Variants in ZNF385D observed in about 807,000 individuals in gnomAD.
ZNF385D encodes zinc finger protein 659.
A neutral mutation model predicts 35.8 loss-of-function variants in ZNF385D; 15 were observed. The ratio of observed to expected loss-of-function variants is 0.42; its 90% CI spans 0.28 to 0.64. The LOEUF (loss-of-function observed/expected upper bound fraction) is 0.64. Ranked by LOEUF, ZNF385D falls within the 30% of genes least tolerant of loss-of-function variation. ZNF385D has a pLI of 0.23. For missense variants in ZNF385D, 474 were observed against 494.6 expected (o/e 0.96, Z 0.39); for synonymous variants, 212 against 186.8 (o/e 1.13, Z -1.10).
At chr3:21,757,120 C>CTCTTTTT (rs1194556367) in intron 3 of ZNF385D, among the ~76,000 whole-genome samples, 47 of 106,418 alleles carry the variant, frequency 4.4e-4, no homozygotes, top group Non-Finnish European at 2.0e-4. Flanking sequence ...ATAAATTTCT[C>CTCTTTTT]TTTTTTTTTT....
At chr3:21,889,783 T>C (rs1309823311) in intron 3 of ZNF385D, among the ~76,000 whole-genome samples, 2 of 152,128 alleles carry the variant, frequency 1.3e-5, no homozygotes, top group East Asian at 3.9e-4. Flanking sequence ...AAATATATTA[T>C]CTCACAGTTC....
intron 2 of ZNF385D, among the ~76,000 whole-genome samples, chr3:21,663,627 C>A (rs902043083): frequency 6.6e-6 from 1 of 151,810 alleles, no homozygotes; most frequent in African/African-American, 2.4e-5. Context: ...AATGAAACAC[C>A]TAGGATTAGA....
chr3:21,809,055 A>C (rs1325341619), intron 3 of ZNF385D, among the ~76,000 whole-genome samples: 1 of 152,240 alleles, frequency 6.6e-6, no homozygotes, highest in Non-Finnish European at 1.5e-5. Flanking sequence ...ATGGAATATA[A>C]TGATAAATTG....
At chr3:21,818,295 G>A (rs970095787) in intron 3 of ZNF385D, among the ~76,000 whole-genome samples, 1 of 152,114 alleles carries the variant, frequency 6.6e-6, no homozygotes, top group African/African-American at 2.4e-5. Context: ...AAACATGCAC[G>A]TTGTGCATAT....
intron 3 of ZNF385D, among the ~76,000 whole-genome samples, chr3:22,073,868 G>A (rs1443157898): frequency 1.3e-5 from 2 of 151,892 alleles, no homozygotes; most frequent in Non-Finnish European, 2.9e-5. Context: ...TTATAAAACA[G>A]CCTTTACGAT....
intron 2 of ZNF385D, among the ~76,000 whole-genome samples, chr3:21,587,544 A>G (rs1360987541): frequency 6.6e-6 from 1 of 152,156 alleles, no homozygotes; most frequent in Non-Finnish European, 1.5e-5. Flanking sequence ...TGTGTAGACA[A>G]GGGAATTAGT....
At chr3:22,111,921 T>C (rs1429308968) in intron 3 of ZNF385D, among the ~76,000 whole-genome samples, 3 of 152,080 alleles carry the variant, frequency 2.0e-5, no homozygotes, top group African/African-American at 7.2e-5. Flanking sequence ...TACATTCAGT[T>C]CCAGTGCTGG....
chr3:21,961,259 T>G (rs1416545979), intron 3 of ZNF385D, among the ~76,000 whole-genome samples: 2 of 151,844 alleles, frequency 1.3e-5, no homozygotes, highest in Non-Finnish European at 2.9e-5. Flanking sequence ...ATAAAAAAGG[T>G]CTTGGTATTT....
intron 3 of ZNF385D, among the ~76,000 whole-genome samples, chr3:22,009,973 G>C (rs912559370): frequency 6.6e-6 from 1 of 151,736 alleles, no homozygotes; most frequent in Non-Finnish European, 1.5e-5. Context: ...GAAACAGTAG[G>C]AAGGACATAA....
chr3:21,950,981 A>G (rs888889965), intron 3 of ZNF385D, among the ~76,000 whole-genome samples: 1 of 151,742 alleles, frequency 6.6e-6, no homozygotes, highest in Admixed American at 6.6e-5. Context: ...AGGTAGCATG[A>G]TGCCTCCAGC....
intron 3 of ZNF385D, among the ~76,000 whole-genome samples, chr3:21,927,922 T>C (rs1022928023): frequency 2.0e-5 from 3 of 152,062 alleles, no homozygotes; most frequent in Non-Finnish European, 4.4e-5. Flanking sequence ...AGTAAGGAGA[T>C]AGAATACTGA....
intron 3 of ZNF385D, among the ~76,000 whole-genome samples, chr3:22,157,040 C>G (rs1393240567): frequency 2.0e-5 from 3 of 152,116 alleles, no homozygotes; most frequent in Non-Finnish European, 2.9e-5. Context: ...AAGCTCTCTC[C>G]TCCTTTGGCT....
At chr3:21,850,060 G>C (rs1223505631) in intron 3 of ZNF385D, among the ~76,000 whole-genome samples, 1 of 151,986 alleles carries the variant, frequency 6.6e-6, no homozygotes, top group Non-Finnish European at 1.5e-5. Flanking sequence ...TGTTTATTGA[G>C]TTTAAATAGT....
At chr3:21,577,387 A>G (rs1194376429) in intron 2 of ZNF385D, among the ~76,000 whole-genome samples, 2 of 151,988 alleles carry the variant, frequency 1.3e-5, no homozygotes, top group Non-Finnish European at 2.9e-5. Context: ...TATATACCAC[A>G]TTTTCTTTAT....
At chr3:21,965,718 T>C (rs1294194478) in intron 3 of ZNF385D, among the ~76,000 whole-genome samples, 1 of 152,184 alleles carries the variant, frequency 6.6e-6, no homozygotes, top group Non-Finnish European at 1.5e-5. Context: ...CAACATTAAA[T>C]TTCCTGATGT....
At chr3:21,759,696 G>A (rs910234059) in intron 3 of ZNF385D, among the ~76,000 whole-genome samples, 6 of 152,018 alleles carry the variant, frequency 3.9e-5, no homozygotes, top group Admixed American at 6.6e-5. Flanking sequence ...TTCAGAATCA[G>A]CCCTCCCAGA....
intron 3 of ZNF385D, among the ~76,000 whole-genome samples, chr3:22,106,232 G>A (rs543925357): frequency 2.5e-4 from 38 of 152,172 alleles, no homozygotes; most frequent in East Asian, 5.8e-4. Flanking sequence ...ACTGGTCATC[G>A]ACATAATCAG....
At chr3:21,890,669 G>A (rs974299685) in intron 3 of ZNF385D, among the ~76,000 whole-genome samples, 4 of 152,028 alleles carry the variant, frequency 2.6e-5, no homozygotes, top group Non-Finnish European at 4.4e-5. Context: ...GGTAAGTTAC[G>A]GTGACACAGA....
chr3:21,674,371 G>C (rs950211171), intron 1 of ZNF385D, among the ~76,000 whole-genome samples: 4 of 152,076 alleles, frequency 2.6e-5, no homozygotes, highest in Admixed American at 2.0e-4. Flanking sequence ...AGGAAAAGTA[G>C]AGTGGGACAC....
Sources: allele counts gnomAD v4.1 joint callset (sites outside exome capture counted in the v4.1 genomes callset), GRCh38; gene constraint gnomAD v4.1.1; transcripts MANE v1.5; gene names NCBI Gene and HGNC (gene_info 2026-07-23, HGNC 2026-07-21).